PTPRE: variants seen among roughly 807,000 people sequenced by gnomAD.
PTPRE encodes the protein protein tyrosine phosphatase receptor type E.
In PTPRE, 51 loss-of-function variants were observed where a neutral mutation model predicts 102.0. The ratio of observed to expected loss-of-function variants is 0.50; its 90% confidence interval spans 0.40 to 0.63. The LOEUF (loss-of-function observed/expected upper bound fraction) is 0.63. PTPRE is among the 30% of genes least tolerant of loss of function. PTPRE has a pLI of 0.00. For synonymous variants in PTPRE, 345 were observed against 348.2 expected, an observed-to-expected ratio of 0.99 and a Z score of 0.10; for missense variants, 752 against 915.1, an observed-to-expected ratio of 0.82 and a Z score of 2.30.
In PTPRE at chr10:127,994,378, C is replaced by T. The variant is rs551095695; in HGVS notation, c.-8+12082C>T. Among the ~76,000 whole-genome samples, 12 of 152,282 alleles carry T rather than the reference C, an allele frequency of 7.9e-5. 1 individual carries two copies. Among genetic ancestry groups the T allele is most frequent in the Admixed American group, 3.3e-4 (5 of 15,290 alleles). On this transcript the variant is annotated intron_variant, in intron 2 of 20. Transcript: ENST00000254667. ...AGCCCCAAGTTACTTTCTGTACCCC[C>T]GTTTTACTTTATATTGTCATTAAAG...
intron 2 of PTPRE, among the ~76,000 whole-genome samples, chr10:127,989,030 G>A (rs986141518): frequency 6.6e-6 from 1 of 152,076 alleles, no homozygotes; most frequent in Non-Finnish European, 1.5e-5. Flanking sequence ...TTTATGATGA[G>A]GGCTGTTTCA....
At position 127,989,462 on chromosome 10, in the gene PTPRE, C is replaced by T. The variant is rs115177774; in HGVS notation, c.-8+7166C>T. Among the ~76,000 whole-genome samples, 1,521 of 152,254 alleles carry T rather than the reference C, an allele frequency of 1.0e-2. 21 individuals carry two copies. The highest frequency in any genetic ancestry group is 0.034 in the African/African-American group (1,400 of 41,540). On this transcript the variant is annotated intron_variant, in intron 2 of 20. Coordinates refer to ENST00000254667, the MANE Select transcript of PTPRE (RefSeq NM_006504.6). ...CCCTAAACATGCAGAGGCAGCAGTC[C>T]AGGCATGCCTTGTCACCTCTCCCTT...
chr10:128,049,106 C>T (rs887886589), intron 5 of PTPRE, among the ~76,000 whole-genome samples: 6 of 152,078 alleles, frequency 3.9e-5, no homozygotes, highest in Non-Finnish European at 7.4e-5. Flanking sequence ...TGAGAGAGAA[C>T]GTTCTGAGTT....
At chr10:128,063,253 A>C (rs1849771546) in intron 10 of PTPRE, 73 bp downstream of exon 10, 1 of 1,573,582 alleles carries the variant, frequency 6.4e-7, no homozygotes, top group African/African-American at 1.3e-5. Flanking sequence ...TGTTCTTACC[A>C]CTTCCTTTTC....
chr10:127,997,776 C>G (rs562230300), intron 2 of PTPRE, among the ~76,000 whole-genome samples: 1 of 152,264 alleles, frequency 6.6e-6, no homozygotes, highest in East Asian at 1.9e-4. Flanking sequence ...TTTTCAAAAC[C>G]ATTTCTCAAG....
chr10:128,078,038 A>G (rs1851380437), intron 19 of PTPRE, among the ~76,000 whole-genome samples: 1 of 152,238 alleles, frequency 6.6e-6, no homozygotes, highest in Non-Finnish European at 1.5e-5. Flanking sequence ...GAGTTGGGAA[A>G]CCACTCAAAC....
intron 1 of PTPRE, among the ~76,000 whole-genome samples, chr10:127,943,507 T>A (rs926861332): frequency 3.3e-5 from 5 of 152,282 alleles, no homozygotes; most frequent in African/African-American, 1.2e-4. Flanking sequence ...TACCTGAGCC[T>A]CTGAGTCTAG....
chr10:128,066,558 A>G (rs773183371), intron 11 of PTPRE, among the ~76,000 whole-genome samples: 218 of 152,284 alleles, frequency 1.4e-3, no homozygotes, highest in Non-Finnish European at 2.4e-3. Flanking sequence ...ACACTTTCCG[A>G]ATTCTGTCTG....
At chr10:128,021,454 G>A (rs1845878500) in intron 2 of PTPRE, among the ~76,000 whole-genome samples, 1 of 152,228 alleles carries the variant, frequency 6.6e-6, no homozygotes, top group African/African-American at 2.4e-5. Context: ...AATGGACTCT[G>A]AGTACAACTG....
chr10:128,043,894 A>G (rs957740952), intron 3 of PTPRE, among the ~76,000 whole-genome samples: 1 of 152,226 alleles, frequency 6.6e-6, no homozygotes, highest in Non-Finnish European at 1.5e-5. Flanking sequence ...GGTGCATTTC[A>G]TCTGTTTCTT....
chr10:128,049,405 T>G, intron 5 of PTPRE, 125 bp from the exon 6 acceptor site: 2 of 1,255,272 alleles, frequency 1.6e-6, no homozygotes, highest in Non-Finnish European at 2.2e-6. Flanking sequence ...AGCTATGCGA[T>G]TTGAGAGAAC....
At chr10:127,990,181 G>A (rs1426827448) in intron 2 of PTPRE, among the ~76,000 whole-genome samples, 6 of 152,068 alleles carry the variant, frequency 3.9e-5, no homozygotes, top group Non-Finnish European at 5.9e-5. Flanking sequence ...GGAGGCTGAG[G>A]TGGTTGGATC....
intron 2 of PTPRE, among the ~76,000 whole-genome samples, chr10:128,012,016 A>T (rs1238332773): frequency 6.6e-6 from 1 of 152,232 alleles, no homozygotes; most frequent in African/African-American, 2.4e-5. Context: ...CCCAGGTGTG[A>T]ACCCAGGTCC....
At chr10:128,063,012 G>A (rs1849746446) in intron 9 of PTPRE, 71 bp from the exon 10 acceptor site, 1 of 1,596,972 alleles carries the variant, frequency 6.3e-7, no homozygotes, top group African/African-American at 1.3e-5. Flanking sequence ...AACGGCCAGG[G>A]TGCCGGGGCT....
chr10:127,988,724 G>A (rs1301945337), intron 2 of PTPRE, among the ~76,000 whole-genome samples: 1 of 152,148 alleles, frequency 6.6e-6, no homozygotes, highest in African/African-American at 2.4e-5. Context: ...TCTCTATTGG[G>A]TACTATGTTC....
In PTPRE at chr10:127,987,183, C is replaced by T. The variant is rs551972438; in HGVS notation, c.-8+4887C>T. 53 of 357,350 alleles carry T rather than the reference C, an allele frequency of 1.5e-4. 1 individual carries two copies. The highest frequency in any genetic ancestry group is 1.2e-3 in the African/African-American group (52 of 45,100). 22.1% of individuals were successfully genotyped at this position (357,350 alleles called of 1,614,324 possible). ...GAGCCTAGTAGGTAATCCTTTGTCACAGAGCAAAGGCATGGGCGTTAATCA... is the reference window on the plus strand; with the variant it reads ...GAGCCTAGTAGGTAATCCTTTGTCATAGAGCAAAGGCATGGGCGTTAATCA... On this transcript the variant is annotated intron_variant, in intron 2 of 20. Coordinates refer to ENST00000254667, the MANE Select transcript of PTPRE (RefSeq NM_006504.6).
At chr10:127,938,960 G>T (rs1359241378) in intron 1 of PTPRE, among the ~76,000 whole-genome samples, 1 of 152,160 alleles carries the variant, frequency 6.6e-6, no homozygotes, top group Non-Finnish European at 1.5e-5. Flanking sequence ...CTGCATTGGA[G>T]TAAATTTGGA....
Position 128,068,108 on chromosome 10 carries a change from C to T in PTPRE, c.844-15C>T, listed in dbSNP as rs1302773522. The T allele has an allele frequency of 6.2e-7, 1 of 1,607,908 alleles. No homozygotes were observed. The highest frequency in any genetic ancestry group is 8.5e-7 in the Non-Finnish European group (1 of 1,176,668). On this transcript the variant is annotated splice_polypyrimidine_tract_variant and intron_variant, in intron 11 of 20. Transcript: ENST00000254667. ...GATTGTTTCACCCACTCTTGTCTCC[C>T]CGCGTCCCCCGCAGCAGCTCCCCGA...
rs577483956 is a variant in PTPRE at position 127,907,169 on chromosome 10, C to T, written c.-171C>T. On this transcript the variant is annotated 5_prime_UTR_variant, in exon 1 of 21. Coordinates refer to ENST00000254667, the MANE Select transcript of PTPRE (RefSeq NM_006504.6). This position sits in a 1 kb window ranked among gnomAD's most constrained non-coding sequence, Gnocchi z 4.8. ...GCCGGCGCGAGCGGCTTCAGGAACC[C>T]ACGGCCTCTGCGCGTCCCCGCGACC... is the stretch of plus-strand genomic sequence containing the variant. The T allele has an allele frequency of 2.9e-5, 22 of 764,626 alleles. No homozygotes were observed. The African/African-American group carries it at 4.0e-4, about 14-fold the overall frequency. 47.4% of individuals were successfully genotyped at this position (764,626 alleles called of 1,614,324 possible).
Sources: allele counts gnomAD v4.1 joint callset (sites outside exome capture counted in the v4.1 genomes callset), GRCh38; gene constraint gnomAD v4.1.1; non-coding constraint Gnocchi (gnomAD v3.1); transcripts MANE v1.5; gene names NCBI Gene and HGNC (gene_info 2026-07-23, HGNC 2026-07-21).